Variants in PRXL2A observed in about 807,000 individuals in gnomAD.
The protein encoded by PRXL2A is peroxiredoxin like 2A.
PRXL2A carries 26 observed loss-of-function variants against 25.6 expected under a neutral mutation model. The observed-to-expected ratio is 1.02, with a 90% CI of 0.74 to 1.41. The LOEUF (loss-of-function observed/expected upper bound fraction) is 1.41. Among genes scored for constraint, PRXL2A ranks in the 40% most tolerant of loss-of-function variants. The probability of loss-of-function intolerance (pLI) is 0.00; values close to 1 mark genes in which losing one functional copy is unlikely to be tolerated. For missense variants in PRXL2A, 246 were observed against 273.9 expected (o/e 0.90, Z 0.72); for synonymous variants, 98 against 102.9 (o/e 0.95, Z 0.29).
chr10:80,424,816 GTGC>G (rs1479389488), intron 3 of PRXL2A, among the ~76,000 whole-genome samples: 1 of 152,198 alleles, frequency 6.6e-6, no homozygotes, highest in East Asian at 1.9e-4. Context: ...AGCTGAGATT[GTGC>G]CACTACACTC....
At position 80,434,863 on chromosome 10, in the gene PRXL2A, T is replaced by C. The variant is rs979373546; in HGVS notation, c.*2764T>C. ...TCCTGTGCAGCAGAAGATACATATA[T>C]CCCCCAAAGGGACAGAAAGGATTTA... On this transcript the variant is annotated 3_prime_UTR_variant, in exon 6 of 6. Coordinates refer to ENST00000606162, the MANE Select transcript of PRXL2A (RefSeq NM_032333.5). 2.6e-5 allele frequency: 4 copies of C among 151,972 alleles called. No individual in the cohort carries two copies. The highest frequency in any genetic ancestry group is 2.9e-5 in the Non-Finnish European group (2 of 68,014). 9.4% of individuals were successfully genotyped at this position (151,972 alleles called of 1,614,324 possible). A position where few individuals can be genotyped will look rare whatever the true frequency, so the allele number is the denominator to read the frequency against.
chr10:80,421,480 G>T (rs1162847042), intron 2 of PRXL2A, among the ~76,000 whole-genome samples: 1 of 152,176 alleles, frequency 6.6e-6, no homozygotes, highest in Non-Finnish European at 1.5e-5. Context: ...CATCTGTTTA[G>T]TAAGTAAGGA....
rs1343263154 is a variant in PRXL2A at position 80,431,979 on chromosome 10, C to T, written c.577-7C>T. 6.3e-7 allele frequency: 1 copy of T among 1,597,854 alleles called. No individual in the cohort carries two copies. Among genetic ancestry groups the T allele is most frequent in the African/African-American group, 1.3e-5 (1 of 74,130 alleles). On this transcript the variant is annotated splice_polypyrimidine_tract_variant and splice_region_variant and intron_variant, in intron 5 of 5. Transcript: ENST00000606162. ...GAGGACTGACATTATCTCTTGTTTC[C>T]TTTTAGGGCATTCTTCTTGAGCACC...
chr10:80,413,330 G>C (rs1466795358), intron 1 of PRXL2A, among the ~76,000 whole-genome samples: 3 of 152,134 alleles, frequency 2.0e-5, no homozygotes, highest in East Asian at 1.9e-4. Context: ...AGGGAGTGTG[G>C]GTTGAGGGAA....
Position 80,425,944 on chromosome 10 carries a change from A to C in PRXL2A, c.349A>C (p.Ile117Leu). The change falls in exon 4 of 6, where the codon ATC (isoleucine) becomes CTC (leucine). Residue 117 changes from isoleucine (I) to leucine (L), a missense_variant. Physicochemically the swap from Ile to Leu is conservative, Grantham distance 5. Transcript: ENST00000606162. ...VPLYAVVKEH[I>L]RTEVKDFQPY... ...CCTCTATGCAGTGGTAAAGGAGCAC[A>C]TCAGGACTGAAGTGAAGGATTTCCA... The C allele has an allele frequency of 1.2e-6, 2 of 1,614,262 alleles. No homozygotes were observed. The highest frequency in any genetic ancestry group is 1.7e-6 in the Non-Finnish European group (2 of 1,180,032).
At chr10:80,423,161 C>T (rs1455937083) in intron 3 of PRXL2A, among the ~76,000 whole-genome samples, 2 of 152,122 alleles carry the variant, frequency 1.3e-5, no homozygotes, top group East Asian at 1.9e-4. Context: ...GTTGGCCCCT[C>T]GAAGGGAAGA....
At chr10:80,430,342 T>TTG (rs1845209129) in intron 5 of PRXL2A, among the ~76,000 whole-genome samples, 1 of 152,176 alleles carries the variant, frequency 6.6e-6, no homozygotes, top group Non-Finnish European at 1.5e-5. Flanking sequence ...CCTCAAGTGA[T>TTG]CTATCCACAT....
chr10:80,422,267 G>A (rs145601351), intron 2 of PRXL2A, 150 bp from the exon 3 acceptor site: 241 of 574,290 alleles, frequency 4.2e-4, no homozygotes, highest in African/African-American at 4.0e-3. Context: ...TGTGTTTCCT[G>A]TGTGTCTTTT....
upstream of PRXL2A, chr10:80,407,927 A>G (rs895487689): frequency 2.0e-5 from 3 of 152,264 alleles, no homozygotes; most frequent in African/African-American, 7.2e-5. Context: ...TCCTACTTTC[A>G]TGAAAGAGTG....
intron 1 of PRXL2A, among the ~76,000 whole-genome samples, chr10:80,409,406 C>A (rs568761301): frequency 2.0e-5 from 3 of 152,312 alleles, no homozygotes; most frequent in African/African-American, 7.2e-5. Flanking sequence ...GAGTCCACTG[C>A]CGGACCGGGG....
intron 1 of PRXL2A, 144 bp from the exon 2 acceptor site, chr10:80,420,322 G>C (rs1188438635): frequency 2.1e-6 from 3 of 1,416,696 alleles, no homozygotes; most frequent in Non-Finnish European, 2.8e-6. Flanking sequence ...AGCAGCCCTT[G>C]TCCAGTCTCG....
rs1460567766 is a variant in PRXL2A at position 80,408,557 on chromosome 10, C to T, written c.-89C>T. 4 of 152,204 alleles carry T rather than the reference C, an allele frequency of 2.6e-5. No individual in the cohort carries two copies. The South Asian group carries it at 6.2e-4, about 24-fold the overall frequency. 9.4% of individuals were successfully genotyped at this position (152,204 alleles called of 1,614,324 possible). A position where few individuals can be genotyped will look rare whatever the true frequency, so the allele number is the denominator to read the frequency against. On this transcript the variant is annotated 5_prime_UTR_variant, in exon 1 of 6. Transcript: ENST00000606162. ...GAGGCTGCGCAAGCGCGGGGCCCGC[C>T]CCTGGGACCCTCCGGGCCGGGCGGT... is the stretch of plus-strand genomic sequence containing the variant.
rs553228523 is a variant in PRXL2A, at chr10:80,428,319, G to A, written c.576+823G>A. ...CATGGTGGTTCCCCTGCCCTGGAGGGCAGTGTCAGCAGAGGCCAGGAGGAT... is the reference window on the plus strand; with the variant it reads ...CATGGTGGTTCCCCTGCCCTGGAGGACAGTGTCAGCAGAGGCCAGGAGGAT... On this transcript the variant is annotated intron_variant, in intron 5 of 5. Coordinates refer to ENST00000606162, the MANE Select transcript of PRXL2A (RefSeq NM_032333.5). 3.9e-4 allele frequency among the ~76,000 whole-genome samples: 59 copies of A among 152,316 alleles called. 1 individual carries two copies. The highest frequency in any genetic ancestry group is 1.4e-3 in the African/African-American group (57 of 41,576).
At chr10:80,417,900 G>T (rs907479732) in intron 1 of PRXL2A, among the ~76,000 whole-genome samples, 1 of 151,658 alleles carries the variant, frequency 6.6e-6, no homozygotes, top group African/African-American at 2.4e-5. Context: ...TATAGACAGG[G>T]TCCTCCCATG....
Position 80,432,324 on chromosome 10 carries a change from A to C in PRXL2A, c.*225A>C. 1 of 462,410 alleles carries C rather than the reference A, an allele frequency of 2.2e-6. No individual in the cohort carries two copies. The allele number at this position is 462,410 out of a possible 1,614,324, so 28.6% of individuals were successfully genotyped here. On this transcript the variant is annotated 3_prime_UTR_variant, in exon 6 of 6. Transcript: ENST00000606162. ...AAACTAATGAGGATTATTAAGCTAA[A>C]ACCTGGGAAATAGGAGGCTTAAAAT...
chr10:80,418,624 AC>A (rs1844750169), intron 1 of PRXL2A, among the ~76,000 whole-genome samples: 1 of 152,094 alleles, frequency 6.6e-6, no homozygotes, highest in Non-Finnish European at 1.5e-5. Flanking sequence ...CCACACAATT[AC>A]CACACCCACT....
chr10:80,431,307 A>C (rs1268372902), intron 5 of PRXL2A, among the ~76,000 whole-genome samples: 1 of 149,466 alleles, frequency 6.7e-6, no homozygotes, highest in Non-Finnish European at 1.5e-5. Context: ...TTTTTTTTTA[A>C]GTCTTTATAA....
intron 5 of PRXL2A, among the ~76,000 whole-genome samples, chr10:80,430,454 T>C (rs1845214028): frequency 6.6e-6 from 1 of 152,162 alleles, no homozygotes; most frequent in Non-Finnish European, 1.5e-5. Flanking sequence ...AAGAAGCAGC[T>C]GGGCAACATA....
Position 80,425,958 on chromosome 10 carries a change from G to A in PRXL2A, c.363G>A (p.Val121=). 6.2e-7 allele frequency: 1 copy of A among 1,614,252 alleles called. No homozygotes were observed. The highest frequency in any genetic ancestry group is 1.1e-5 in the South Asian group (1 of 91,084). The change falls in exon 4 of 6, where the codon GTG becomes GTA. Residue 121 remains valine, a synonymous_variant. Transcript: ENST00000606162. ...AVVKEHIRTE[V]KDFQPYFKGE... is the part of the protein sequence containing the mutation. ...TAAAGGAGCACATCAGGACTGAAGT[G>A]AAGGATTTCCAGCCTTATTTCAAAG...
Sources: gnomAD v4.1 joint callset for allele counts (sites outside exome capture counted in the v4.1 genomes callset) on GRCh38, gnomAD v4.1.1 for gene constraint, MANE v1.5 for transcripts, NCBI Gene and HGNC (gene_info 2026-07-23, HGNC 2026-07-21) for gene names.